CDON: variants seen among roughly 807,000 people sequenced by gnomAD.
CDON encodes the protein cell adhesion molecule-related/down-regulated by oncogenes.
Under a neutral mutation model 120.9 loss-of-function variants are expected in CDON, and 73 were observed. The observed-to-expected ratio is 0.60, with a 90% CI of 0.50 to 0.73. The LOEUF (loss-of-function observed/expected upper bound fraction) is 0.73. Among genes scored for constraint, CDON ranks in the 30% least tolerant of loss-of-function variants. The pLI is 0.00. For synonymous variants in CDON, 566 were observed against 573.5 expected, an observed-to-expected ratio of 0.99 and a Z score of 0.19; for missense variants, 1,470 against 1,587.3, an observed-to-expected ratio of 0.93 and a Z score of 1.26.
intron 18 of CDON, among the ~76,000 whole-genome samples, chr11:125,974,358 T>C (rs1005800397): frequency 3.2e-5 from 2 of 63,456 alleles, no homozygotes; most frequent in Non-Finnish European, 5.9e-5. Flanking sequence ...GGTAGGTAGG[T>C]AGGTAGGTAG....
At chr11:125,962,243 C>T (rs1277407992) in intron 18 of CDON, among the ~76,000 whole-genome samples, 2 of 152,112 alleles carry the variant, frequency 1.3e-5, no homozygotes, top group African/African-American at 4.8e-5. Context: ...ATTCAATGTC[C>T]CAGCACACAG....
At chr11:125,983,244 G>C (rs2134455269) in intron 16 of CDON, among the ~76,000 whole-genome samples, 1 of 152,270 alleles carries the variant, frequency 6.6e-6, no homozygotes, top group South Asian at 2.1e-4. Flanking sequence ...AGGACAGTGA[G>C]GTGAAGAGAA....
chr11:125,992,293 G>T (rs535063460), intron 14 of CDON, among the ~76,000 whole-genome samples: 1 of 152,178 alleles, frequency 6.6e-6, no homozygotes, highest in Admixed American at 6.5e-5. Flanking sequence ...TAATGGCAAA[G>T]ACCGCAATTA....
chr11:126,048,884 G>A (rs1344829046), intron 1 of CDON, among the ~76,000 whole-genome samples: 1 of 152,086 alleles, frequency 6.6e-6, no homozygotes, highest in African/African-American at 2.4e-5. Flanking sequence ...TGTATTTTTA[G>A]TAGAGACGGA....
chr11:126,011,832 A>G (rs969644316), intron 7 of CDON, among the ~76,000 whole-genome samples: 3 of 152,330 alleles, frequency 2.0e-5, no homozygotes, highest in African/African-American at 4.8e-5. Context: ...CTCGTCTTTC[A>G]TATTTAGATC....
chr11:126,021,126 C>T (rs971289663), intron 3 of CDON, 122 bp downstream of exon 3: 15 of 1,017,304 alleles, frequency 1.5e-5, no homozygotes, highest in Non-Finnish European at 2.2e-5. Flanking sequence ...AGAGTCAAGG[C>T]TGAGATAAAA....
intron 10 of CDON, among the ~76,000 whole-genome samples, chr11:126,003,200 T>G (rs1207052080): frequency 6.6e-6 from 1 of 152,162 alleles, no homozygotes; most frequent in African/African-American, 2.4e-5. Context: ...GGCCACAAGT[T>G]TTGTCTGTTT....
At chr11:125,993,046 GTCAGAAAGTTCT>G (rs1489591273) in intron 14 of CDON, among the ~76,000 whole-genome samples, 10 of 152,124 alleles carry the variant, frequency 6.6e-5, no homozygotes, top group Non-Finnish European at 8.8e-5. Context: ...GAAATGCTAC[GTCAGAAAGTTCT>G]TTCTTACGCT....
chr11:125,982,889 C>G (rs1360082576), intron 16 of CDON, among the ~76,000 whole-genome samples: 1 of 152,160 alleles, frequency 6.6e-6, no homozygotes, highest in Non-Finnish European at 1.5e-5. Context: ...ATTCAACACG[C>G]ACTCACACAA....
Position 125,981,970 on chromosome 11 carries a change from CTTTTTTTTTTTT to C in CDON, c.2996-653_2996-642del, listed in dbSNP as rs61446837. The stretch of plus-strand genomic sequence containing the variant: ...CAAAGGCAAAAAGTGATTCTATTTT[CTTTTTTTTTTTT>C]TTTTTTTTTTTTTTTTTTGAGATGG... On this transcript the variant is annotated intron_variant, in intron 16 of 19. Transcript: ENST00000531738. Among the ~76,000 whole-genome samples, 533 of 54,316 alleles carry C rather than the reference CTTTTTTTTTTTT, an allele frequency of 9.8e-3. 8 individuals carry two copies. Among genetic ancestry groups the C allele is most frequent in the African/African-American group, 0.04 (503 of 12,460 alleles). The allele number at this position is 54,316 out of a possible 152,430, so 35.6% of individuals were successfully genotyped here.
At chr11:126,040,605 G>A (rs1202178781) in intron 1 of CDON, among the ~76,000 whole-genome samples, 2 of 151,788 alleles carry the variant, frequency 1.3e-5, no homozygotes, top group East Asian at 3.9e-4. Flanking sequence ...CACAAGGTCA[G>A]GAGATCGAGA....
intron 18 of CDON, among the ~76,000 whole-genome samples, chr11:125,972,554 T>C (rs1451273098): frequency 2.6e-5 from 4 of 152,084 alleles, no homozygotes; most frequent in African/African-American, 9.7e-5. Flanking sequence ...CACAGATCTA[T>C]ACAGTGCACC....
chr11:125,976,709 T>C (rs1346021328), intron 18 of CDON, among the ~76,000 whole-genome samples: 3 of 151,612 alleles, frequency 2.0e-5, no homozygotes. Flanking sequence ...TCTAAGGAAA[T>C]GGGATGCATT....
rs138541497 is a variant in CDON at position 125,973,909 on chromosome 11, T to C, written c.3356+4395A>G. Among the ~76,000 whole-genome samples the C allele has an allele frequency of 6.4e-3, 967 of 152,226 alleles. 4 individuals carry two copies. The highest frequency in any genetic ancestry group is 0.02 in the Middle Eastern group (6 of 294). ...TATTATTTATGTCATTTTTTTTTTC[T>C]TTTGAGACAGAGTTTCGCTCTTGTT... On this transcript the variant is annotated intron_variant, in intron 18 of 19. Coordinates refer to ENST00000531738, the MANE Select transcript of CDON (RefSeq NM_001378964.1).
chr11:126,027,968 C>T (rs76186057), intron 1 of CDON, among the ~76,000 whole-genome samples: 3 of 121,070 alleles, frequency 2.5e-5, no homozygotes, highest in East Asian at 4.7e-4. Context: ...AATCACTCTG[C>T]CTTTTTTTTT....
In CDON at chr11:125,994,595, G is replaced by C. The variant is rs485121; in HGVS notation, c.2545-206C>G. On this transcript the variant is annotated intron_variant, in intron 13 of 19. Transcript: ENST00000531738. ...AGAAATAAGGCAGTACGTTTCCCTG[G>C]GTTCAAAAGCATAAAAGCACATTTG... Among the ~76,000 whole-genome samples, 34,432 of 151,964 alleles carry C rather than the reference G, an allele frequency of 0.23. 4,022 individuals carry two copies. Among genetic ancestry groups the C allele is most frequent in the Non-Finnish European group, 0.25 (16,800 of 67,966 alleles).
intron 1 of CDON, among the ~76,000 whole-genome samples, chr11:126,039,910 T>A (rs529490858): frequency 6.6e-6 from 1 of 152,082 alleles, no homozygotes; most frequent in South Asian, 2.1e-4. Flanking sequence ...AAACCCCCCA[T>A]TGCCCCCTTG....
intron 1 of CDON, among the ~76,000 whole-genome samples, chr11:126,027,969 C>CTTTTTTTTTTTTTTTTTTTTTT (rs769832631): frequency 8.0e-6 from 1 of 125,782 alleles, no homozygotes; most frequent in Non-Finnish European, 1.7e-5. Context: ...ATCACTCTGC[C>CTTTTTTTTTTTTTTTTTTTTTT]TTTTTTTTTT....
intron 6 of CDON, among the ~76,000 whole-genome samples, chr11:126,016,637 T>C (rs1422781975): frequency 6.6e-6 from 1 of 152,138 alleles, no homozygotes; most frequent in Non-Finnish European, 1.5e-5. Context: ...TTCGCCATAT[T>C]GCCCAAGATA....
Sources: gnomAD v4.1 joint callset for allele counts (sites outside exome capture counted in the v4.1 genomes callset) on GRCh38, gnomAD v4.1.1 for gene constraint, MANE v1.5 for transcripts, NCBI Gene and HGNC (gene_info 2026-07-23, HGNC 2026-07-21) for gene names.